Variants in CCDC77 observed in about 807,000 individuals in gnomAD.
CCDC77 encodes coiled-coil domain-containing protein 77.
Under a neutral mutation model 66.8 loss-of-function variants are expected in CCDC77, and 56 were observed. That is an observed-to-expected ratio of 0.84 (90% CI 0.68 to 1.05). CCDC77 has a LOEUF of 1.05. CCDC77 is among the 50% of genes least tolerant of loss of function. The pLI is 0.00. For missense variants in CCDC77, 570 were observed against 576.8 expected (o/e 0.99, Z 0.12); for synonymous variants, 196 against 195.2 (o/e 1.00, Z -0.03).
At chr12:424,919 C>CTT (rs529763979) in intron 5 of CCDC77, among the ~76,000 whole-genome samples, 8 of 129,424 alleles carry the variant, frequency 6.2e-5, no homozygotes, top group African/African-American at 1.1e-4. Context: ...TGGTTTCTTT[C>CTT]TTTTTTTTTT....
intron 10 of CCDC77, among the ~76,000 whole-genome samples, chr12:439,734 C>T (rs374793513): frequency 1.1e-4 from 17 of 151,164 alleles, no homozygotes; most frequent in East Asian, 7.8e-4. Flanking sequence ...GAGCCGAGAT[C>T]GCGCCACTGC....
intron 9 of CCDC77, 139 bp downstream of exon 9, chr12:433,461 G>A (rs1225153300): frequency 2.6e-5 from 38 of 1,447,124 alleles, no homozygotes; most frequent in African/African-American, 4.3e-5. Flanking sequence ...AGAAACCCCC[G>A]CCTCTACGTA....
In CCDC77 at chr12:412,343, G is replaced by T. The variant is rs565990583; in HGVS notation, c.270+365G>T. Among the ~76,000 whole-genome samples, 7 of 152,328 alleles carry T rather than the reference G, an allele frequency of 4.6e-5. No homozygotes were observed. In the South Asian group the frequency reaches 8.3e-4, roughly 18 times the overall value. On this transcript the variant is annotated intron_variant, in intron 4 of 12. Transcript: ENST00000239830. ...CTAAACCCCATGATGCTTTACTTGAGTAGTAACTGCAGTGCCTGCAAATGA... is the reference window on the plus strand; with the variant it reads ...CTAAACCCCATGATGCTTTACTTGATTAGTAACTGCAGTGCCTGCAAATGA...
chr12:430,528 G>T, intron 6 of CCDC77, 136 bp from the exon 7 acceptor site: 1 of 707,338 alleles, frequency 1.4e-6, no homozygotes, highest in Non-Finnish European at 2.6e-6. Flanking sequence ...GGTCTGTCAT[G>T]TGCATGACAT....
rs1307027692 is a variant in CCDC77, at chr12:423,470, G to GTTTTTTTTTTTTTT, written c.413+4840_413+4841insTTTTTTTTTTTTTT. Among the ~76,000 whole-genome samples, 16 of 44,872 alleles carry GTTTTTTTTTTTTTT rather than the reference G, an allele frequency of 3.6e-4. 2 individuals are homozygous for GTTTTTTTTTTTTTT. Among genetic ancestry groups the GTTTTTTTTTTTTTT allele is most frequent in the South Asian group, 9.8e-4 (1 of 1,022 alleles). 29.4% of individuals were successfully genotyped at this position (44,872 alleles called of 152,430 possible). ...TTGTTATTTTCTGGGTGTTTTTTGT[G>GTTTTTTTTTTTTTT]TTTTTTGTGTTTTTTTTTGTTTTGT... On this transcript the variant is annotated intron_variant, in intron 5 of 12. Coordinates refer to ENST00000239830, the MANE Select transcript of CCDC77 (RefSeq NM_032358.4).
At chr12:422,357 T>C (rs1297113411) in intron 5 of CCDC77, among the ~76,000 whole-genome samples, 1 of 152,236 alleles carries the variant, frequency 6.6e-6, no homozygotes, top group African/African-American at 2.4e-5. Context: ...TGCACAACTG[T>C]CAACATCATT....
chr12:400,609 C>T (rs547660128), upstream of CCDC77, among the ~76,000 whole-genome samples: 19 of 152,312 alleles, frequency 1.2e-4, no homozygotes, highest in East Asian at 3.7e-3. Flanking sequence ...GGCAGGGAGA[C>T]TGCTGGTCTG....
At chr12:436,869 A>G (rs771640901) in intron 9 of CCDC77, 20 of 434,120 alleles carry the variant, frequency 4.6e-5, no homozygotes, top group Admixed American at 6.4e-5. Flanking sequence ...ACAAGCCTAT[A>G]GTTTCCCAGT....
Position 416,338 on chromosome 12 carries a change from TGTGGGG to T in CCDC77, c.271-2152_271-2147del, listed in dbSNP as rs1177174507. On this transcript the variant is annotated intron_variant, in intron 4 of 12. Transcript: ENST00000239830. ...GTGTGTGTGTGTGAGTCTGTGGGTG[TGTGGGG>T]GTGTGTGTGTGTGTGTGTGTGTGTG... Among the ~76,000 whole-genome samples the T allele has an allele frequency of 3.8e-3, 162 of 43,150 alleles. 19 individuals carry two copies. The East Asian group carries it at 0.057, about 15-fold the overall frequency. The allele number at this position is 43,150 out of a possible 152,430, so 28.3% of individuals were successfully genotyped here. A position where few individuals can be genotyped will look rare whatever the true frequency, so the allele number is the denominator to read the frequency against.
intron 8 of CCDC77, among the ~76,000 whole-genome samples, chr12:432,609 T>A (rs202240351): frequency 1.3e-5 from 2 of 152,214 alleles, no homozygotes; most frequent in Non-Finnish European, 2.9e-5. Context: ...AGGGAGACAG[T>A]CAAGGGAGAT....
chr12:427,135 C>CT (rs1945550258), intron 5 of CCDC77, among the ~76,000 whole-genome samples: 1 of 152,060 alleles, frequency 6.6e-6, no homozygotes, highest in Non-Finnish European at 1.5e-5. Flanking sequence ...GTCCCAGCTA[C>CT]TCGGGAGGCT....
At chr12:399,000 C>T (rs1203652033), upstream of CCDC77, among the ~76,000 whole-genome samples, 2 of 152,038 alleles carry the variant, frequency 1.3e-5, no homozygotes, top group African/African-American at 2.4e-5. Context: ...GATCCACCCA[C>T]GTTGGCCTTC....
intron 4 of CCDC77, among the ~76,000 whole-genome samples, chr12:418,272 C>T (rs1945324181): frequency 6.6e-6 from 1 of 152,158 alleles, no homozygotes; most frequent in African/African-American, 2.4e-5. Context: ...GAGATCGTGC[C>T]ACTGCACTAC....
At chr12:433,557 C>A in intron 9 of CCDC77, 1 of 1,053,976 alleles carries the variant, frequency 9.5e-7, no homozygotes, top group Non-Finnish European at 1.2e-6. Context: ...GGTGTTTTAG[C>A]TTGCTTCTGG....
At position 418,550 on chromosome 12, in the gene CCDC77, A is replaced by C. The variant is rs754193463; in HGVS notation, c.327A>C (p.Lys109Asn). The part of the protein sequence containing the change: ...QREEEIAELQ[K>N]ALSDMQVCLF... ...AGGAAGAGATTGCTGAATTGCAGAA[A>C]GCTCTAAGTGATATGCAGGTCTGCC... Residue 109 changes from lysine (K) to asparagine (N), a missense_variant, in exon 5 of 13, where the codon AAA (lysine) becomes AAC (asparagine). Physicochemically the swap from Lys to Asn is moderately conservative, Grantham distance 94. Coordinates refer to ENST00000239830, the MANE Select transcript of CCDC77 (RefSeq NM_032358.4). 6 of 1,613,944 alleles carry C rather than the reference A, an allele frequency of 3.7e-6. No individual in the cohort carries two copies. The Admixed American group carries it at 8.3e-5, about 22-fold the overall frequency.
intron 1 of CCDC77, among the ~76,000 whole-genome samples, chr12:391,086 A>T (rs1944747070): frequency 6.6e-6 from 1 of 152,250 alleles, no homozygotes. Context: ...TTATGAGAAG[A>T]GTGACAATGT....
In CCDC77 at chr12:438,108, T is replaced by C. The variant is rs147422725; in HGVS notation, c.822-227T>C. ...TGAAGTTCGCACTCAGGAAAGTACCTGTAAAGACCAGTCTATGAACCAGTG... is the reference window on the plus strand; with the variant it reads ...TGAAGTTCGCACTCAGGAAAGTACCCGTAAAGACCAGTCTATGAACCAGTG... On this transcript the variant is annotated intron_variant, in intron 9 of 12. Transcript: ENST00000239830. Among the ~76,000 whole-genome samples the C allele has an allele frequency of 3.2e-3, 488 of 152,324 alleles. 3 individuals are homozygous for C. The highest frequency in any genetic ancestry group is 0.011 in the African/African-American group (465 of 41,574).
intron 5 of CCDC77, among the ~76,000 whole-genome samples, chr12:424,583 C>T (rs902588116): frequency 2.0e-5 from 3 of 152,110 alleles, no homozygotes; most frequent in Non-Finnish European, 4.4e-5. Flanking sequence ...CCTGCTTCAG[C>T]CTCCCAAAGT....
rs1565568070 is a variant in CCDC77, at chr12:415,377, C to CGT, written c.271-3117_271-3116insGT. On this transcript the variant is annotated intron_variant, in intron 4 of 12. Coordinates refer to ENST00000239830, the MANE Select transcript of CCDC77 (RefSeq NM_032358.4). ...CATAATATTATGTTAATATAATCAA[C>CGT]ATAATATTATGTTAATATAATCAAC... 1.8e-5 allele frequency among the ~76,000 whole-genome samples: 2 copies of CGT among 108,360 alleles called. 1 individual carries two copies. The highest frequency in any genetic ancestry group is 5.5e-4 in the East Asian group (2 of 3,662). The allele number at this position is 108,360 out of a possible 152,430, so 71.1% of individuals were successfully genotyped here.
Sources: gnomAD v4.1 joint callset for allele counts (sites outside exome capture counted in the v4.1 genomes callset) on GRCh38, gnomAD v4.1.1 for gene constraint, MANE v1.5 for transcripts, NCBI Gene and HGNC (gene_info 2026-07-23, HGNC 2026-07-21) for gene names.